Variants in RIT2 observed in about 807,000 individuals in gnomAD.
RIT2 encodes the protein Ras like without CAAX 2, also known as GTP-binding protein Rit2.
In RIT2, 24 loss-of-function variants were observed where a neutral mutation model predicts 23.7. The ratio of observed to expected loss-of-function variants is 1.01; its 90% CI spans 0.73 to 1.43. The LOEUF (loss-of-function observed/expected upper bound fraction) is 1.43. Among genes scored for constraint, RIT2 ranks in the 40% most tolerant of loss-of-function variants. The pLI, the probability that RIT2 is intolerant of heterozygous loss-of-function variation, is 0.00. For synonymous variants in RIT2, 107 were observed against 91.1 expected, an observed-to-expected ratio of 1.17 and a Z score of -0.99; for missense variants, 236 against 266.9, an observed-to-expected ratio of 0.88 and a Z score of 0.81.
At chr18:43,091,341 C>G (rs980712230) in intron 1 of RIT2, among the ~76,000 whole-genome samples, 1 of 151,940 alleles carries the variant, frequency 6.6e-6, no homozygotes, top group Non-Finnish European at 1.5e-5. Context: ...CAGAGACATG[C>G]TTTATTTTTT....
intron 4 of RIT2, among the ~76,000 whole-genome samples, chr18:42,776,876 T>C (rs917625768): frequency 5.3e-5 from 8 of 152,132 alleles, no homozygotes; most frequent in Admixed American, 2.0e-4. Flanking sequence ...AGTTACATTT[T>C]CAAAATGTGA....
At chr18:42,896,403 C>T (rs928280397) in intron 4 of RIT2, among the ~76,000 whole-genome samples, 23 of 152,162 alleles carry the variant, frequency 1.5e-4, no homozygotes, top group Admixed American at 1.3e-3. Context: ...CTCTCAATGG[C>T]CATTTTTTCA....
intron 4 of RIT2, among the ~76,000 whole-genome samples, chr18:42,905,221 C>A (rs1399354814): frequency 6.6e-6 from 1 of 152,016 alleles, no homozygotes; most frequent in Non-Finnish European, 1.5e-5. Context: ...TTAATATATT[C>A]ATTGTTCGGA....
chr18:42,831,724 G>T (rs917847162), intron 4 of RIT2, among the ~76,000 whole-genome samples: 2 of 152,168 alleles, frequency 1.3e-5, no homozygotes, highest in Admixed American at 6.5e-5. Context: ...GTATGGAAAT[G>T]CAGGTAGATA....
rs140209130 is a variant in RIT2, at chr18:42,797,477, A to C, written c.427-53757T>G. Among the ~76,000 whole-genome samples, 187 of 152,292 alleles carry C rather than the reference A, an allele frequency of 1.2e-3. 3 individuals are homozygous for C. The East Asian group carries it at 0.03, about 25-fold the overall frequency. On this transcript the variant is annotated intron_variant, in intron 4 of 4. Transcript: ENST00000326695. ...AAAAAATCAAATTACTCAAGTAATC[A>C]TATTATGCAGTTTAATTTATAGTTT...
chr18:42,999,155 A>C (rs1911051081), intron 2 of RIT2, among the ~76,000 whole-genome samples: 1 of 152,138 alleles, frequency 6.6e-6, no homozygotes, highest in Non-Finnish European at 1.5e-5. Flanking sequence ...AACTTCAAGA[A>C]GTTCTTCAGT....
At chr18:42,998,870 G>A (rs1293875445) in intron 2 of RIT2, among the ~76,000 whole-genome samples, 1 of 152,000 alleles carries the variant, frequency 6.6e-6, no homozygotes, top group South Asian at 2.1e-4. Flanking sequence ...AAAAGAGGTA[G>A]GTTTATAGGA....
intron 4 of RIT2, among the ~76,000 whole-genome samples, chr18:42,807,532 G>A (rs1040620808): frequency 3.3e-5 from 5 of 152,132 alleles, no homozygotes; most frequent in Non-Finnish European, 7.3e-5. Context: ...GAGGAGAATT[G>A]CTTGAACCCG....
At chr18:42,797,694 T>A (rs911189656) in intron 4 of RIT2, among the ~76,000 whole-genome samples, 1 of 152,084 alleles carries the variant, frequency 6.6e-6, no homozygotes, top group Non-Finnish European at 1.5e-5. Context: ...TCAAAATATG[T>A]TTTCCTCATT....
At chr18:42,762,456 C>T (rs16976781) in intron 4 of RIT2, among the ~76,000 whole-genome samples, 2,713 of 152,210 alleles carry the variant, frequency 0.018, 83 homozygotes, top group African/African-American at 0.062. Flanking sequence ...AATGAAATTT[C>T]GGTTGCAAGA....
intron 4 of RIT2, among the ~76,000 whole-genome samples, chr18:42,764,607 T>C (rs1359414308): frequency 2.0e-5 from 3 of 152,192 alleles, no homozygotes; most frequent in Non-Finnish European, 4.4e-5. Context: ...AGGTACCTTA[T>C]AGATTAGATG....
intron 4 of RIT2, among the ~76,000 whole-genome samples, chr18:42,815,315 T>A (rs1905965057): frequency 6.6e-6 from 1 of 152,014 alleles, no homozygotes; most frequent in African/African-American, 2.4e-5. Flanking sequence ...CTTACAGAAA[T>A]GCAAACTGCT....
chr18:43,055,673 A>G (rs1219783104), intron 1 of RIT2, among the ~76,000 whole-genome samples: 1 of 152,168 alleles, frequency 6.6e-6, no homozygotes, highest in South Asian at 2.1e-4. Context: ...TTTAAAATAT[A>G]ACACAAAGAT....
intron 1 of RIT2, among the ~76,000 whole-genome samples, chr18:43,064,876 G>A (rs571064259): frequency 9.5e-4 from 144 of 152,186 alleles, no homozygotes; most frequent in African/African-American, 3.0e-3. Context: ...AAGTGCAGTG[G>A]CACAATCTCA....
chr18:42,992,211 G>A (rs1036983842), intron 2 of RIT2, among the ~76,000 whole-genome samples: 2 of 151,912 alleles, frequency 1.3e-5, no homozygotes, highest in Non-Finnish European at 1.5e-5. Flanking sequence ...CAACTCACAC[G>A]TGACCTAAAA....
chr18:43,017,290 T>G (rs1035571826), intron 2 of RIT2, among the ~76,000 whole-genome samples: 1 of 152,006 alleles, frequency 6.6e-6, no homozygotes, highest in Non-Finnish European at 1.5e-5. Context: ...AGTCAATATG[T>G]AGGTCATGTC....
At chr18:42,800,445 A>G (rs1032525079) in intron 4 of RIT2, among the ~76,000 whole-genome samples, 1 of 151,848 alleles carries the variant, frequency 6.6e-6, no homozygotes, top group Non-Finnish European at 1.5e-5. Flanking sequence ...CTCAATTCAC[A>G]TATGGAAGTA....
chr18:43,064,009 G>A (rs1386171155), intron 1 of RIT2, among the ~76,000 whole-genome samples: 1 of 152,150 alleles, frequency 6.6e-6, no homozygotes, highest in African/African-American at 2.4e-5. Flanking sequence ...AGAAGGTAAA[G>A]GATTTGATTA....
At chr18:42,765,686 T>C (rs1176780323) in intron 4 of RIT2, among the ~76,000 whole-genome samples, 2 of 152,136 alleles carry the variant, frequency 1.3e-5, no homozygotes, top group East Asian at 3.9e-4. Flanking sequence ...TTATGTATGT[T>C]TATATGCATA....
Sources: allele counts gnomAD v4.1 joint callset (sites outside exome capture counted in the v4.1 genomes callset), GRCh38; gene constraint gnomAD v4.1.1; transcripts MANE v1.5; gene names NCBI Gene and HGNC (gene_info 2026-07-23, HGNC 2026-07-21).